Variants in AMMECR1 observed in about 807,000 individuals in gnomAD.
AMMECR1 encodes AMMECR nuclear protein 1.
A neutral mutation model predicts 22.5 loss-of-function variants in AMMECR1; 3 were observed. The ratio of observed to expected loss-of-function variants is 0.13; its 90% CI spans 0.06 to 0.35. The LOEUF (loss-of-function observed/expected upper bound fraction) is 0.35, where lower values mean the gene tolerates loss of function less well. Ranked by LOEUF, AMMECR1 falls within the 10% of genes least tolerant of loss-of-function variation. The pLI is 1.00. For synonymous variants in AMMECR1, 130 were observed against 116.7 expected (o/e 1.11, Z -0.74); for missense variants, 235 against 278.7 (o/e 0.84, Z 1.12).
intron 2 of AMMECR1, among the ~76,000 whole-genome samples, chrX:110,425,095 C>T (rs2068744401): frequency 1.8e-5 from 2 of 111,915 alleles, no homozygotes; most frequent in South Asian, 7.6e-4. Flanking sequence ...TCCCTTGCCT[C>T]CTGCTCCCAA....
At chrX:110,339,400 G>GT (rs1226766986) in intron 2 of AMMECR1, among the ~76,000 whole-genome samples, 1 of 25,291 alleles carries the variant, frequency 4.0e-5, no homozygotes, top group Non-Finnish European at 7.7e-5. Context: ...ATGGTTTGTT[G>GT]TAAAAAAAAA....
chrX:110,241,748 A>G (rs748947866), intron 2 of AMMECR1, among the ~76,000 whole-genome samples: 4 of 110,651 alleles, frequency 3.6e-5, no homozygotes, highest in Non-Finnish European at 5.7e-5. Flanking sequence ...AATAGGGGGA[A>G]GGGAAAAAAG....
At chrX:110,419,113 C>T (rs951838444) in intron 2 of AMMECR1, 15 of 112,447 alleles carry the variant, frequency 1.3e-4, no homozygotes, top group Non-Finnish European at 2.4e-4. Context: ...TATGGAGCGC[C>T]TACCTTGTGC....
rs959705865 is a variant in AMMECR1 at position 110,336,743 on chromosome X, A to G, written c.-147-18894T>C. On this transcript the variant is annotated intron_variant, in intron 2 of 7. Transcript: ENST00000372057. Reference sequence around the variant, plus strand: ...TGGAGCCCATGATTTCATGATTATTATTGCTTTGATGAAATTAATGTAGGA... The same window carrying G: ...TGGAGCCCATGATTTCATGATTATTGTTGCTTTGATGAAATTAATGTAGGA... 4.5e-5 allele frequency among the ~76,000 whole-genome samples: 5 copies of G among 110,205 alleles called. No individual in the cohort carries two copies. In the Admixed American group the frequency reaches 4.9e-4, roughly 11 times the overall value.
At chrX:110,272,549 CTTG>C (rs994086033) in intron 1 of AMMECR1, among the ~76,000 whole-genome samples, 6 of 111,973 alleles carry the variant, frequency 5.4e-5, no homozygotes, top group Admixed American at 9.4e-5. Context: ...TTTACATGTG[CTTG>C]TTGTTACATG....
At chrX:110,350,327 C>G (rs758703344) in intron 2 of AMMECR1, among the ~76,000 whole-genome samples, 1 of 111,561 alleles carries the variant, frequency 9.0e-6, no homozygotes, top group South Asian at 3.8e-4. Flanking sequence ...CCTATAGAGA[C>G]CCAACAGATA....
chrX:110,421,645 A>C (rs1204156486), intron 2 of AMMECR1, among the ~76,000 whole-genome samples: 1 of 113,035 alleles, frequency 8.8e-6, no homozygotes, highest in East Asian at 2.8e-4. Flanking sequence ...AGTGTAAACA[A>C]AGCTCAAATT....
At chrX:110,216,417 C>A in intron 3 of AMMECR1, 101 bp downstream of exon 3, 1 of 543,713 alleles carries the variant, frequency 1.8e-6, no homozygotes. Context: ...ACCTCCATTA[C>A]AATAGAGAAT....
rs759917177 is a variant in AMMECR1, at chrX:110,266,379, C to G, written c.474-1780G>C. ...ATCTGGCATAGTCAATATCAGCAAC[C>G]ATTTTTTTGTTTTATTTTGTTTTGA... On this transcript the variant is annotated intron_variant, in intron 1 of 5. Transcript: ENST00000262844. 2.7e-5 allele frequency among the ~76,000 whole-genome samples: 3 copies of G among 111,221 alleles called. No homozygotes were observed. In the East Asian group the frequency reaches 8.5e-4, roughly 32 times the overall value.
chrX:110,414,886 C>G (rs1225318342), intron 2 of AMMECR1, among the ~76,000 whole-genome samples: 1 of 112,396 alleles, frequency 8.9e-6, no homozygotes, highest in Non-Finnish European at 1.9e-5. Flanking sequence ...TCCACTACCA[C>G]TTGCCCATGC....
chrX:110,367,971 C>CT (rs1463368579), intron 2 of AMMECR1, among the ~76,000 whole-genome samples: 38 of 66,063 alleles, frequency 5.8e-4, no homozygotes, highest in African/African-American at 1.9e-3. Flanking sequence ...ACAGTGCTGG[C>CT]TAATTATTAT....
In AMMECR1 at chrX:110,198,264, GA is replaced by G. The variant is rs1290546395; in HGVS notation, c.*255del. The stretch of plus-strand genomic sequence containing the variant: ...GCAAAATTCTACATAATATTATAAG[GA>G]AAAAAAAACCCAAAATTATATATGC... On this transcript the variant is annotated 3_prime_UTR_variant, in exon 6 of 6. Coordinates refer to ENST00000262844, the MANE Select transcript of AMMECR1 (RefSeq NM_015365.3). 1.2e-4 allele frequency: 24 copies of G among 207,189 alleles called. No individual in the cohort carries two copies. The highest frequency in any genetic ancestry group is 1.5e-3 in the Middle Eastern group (1 of 676). The allele number at this position is 207,189 out of a possible 1,213,427, so 17.1% of individuals were successfully genotyped here.
chrX:110,270,824 G>A (rs1232554315), intron 1 of AMMECR1, among the ~76,000 whole-genome samples: 2 of 111,773 alleles, frequency 1.8e-5, no homozygotes, highest in Non-Finnish European at 3.8e-5. Flanking sequence ...TTTTCCTGTT[G>A]TCTAGCTGGA....
intron 2 of AMMECR1, among the ~76,000 whole-genome samples, chrX:110,329,572 A>C (rs908293402): frequency 3.6e-5 from 4 of 112,413 alleles, no homozygotes; most frequent in Non-Finnish European, 7.5e-5. Flanking sequence ...TGGTGATGCC[A>C]CTGTGCTGCT....
chrX:110,348,179 C>T (rs1158845731), intron 2 of AMMECR1, among the ~76,000 whole-genome samples: 2 of 111,843 alleles, frequency 1.8e-5, no homozygotes, highest in Admixed American at 1.9e-4. Context: ...AACTTCAGTG[C>T]TCTTTTTCCA....
intron 2 of AMMECR1, among the ~76,000 whole-genome samples, chrX:110,263,552 C>T (rs1315639538): frequency 2.7e-5 from 3 of 111,691 alleles, no homozygotes; most frequent in Non-Finnish European, 5.7e-5. Flanking sequence ...CCACATTAAT[C>T]CTGAAGTAAA....
At chrX:110,236,081 T>G (rs762225423) in intron 2 of AMMECR1, among the ~76,000 whole-genome samples, 2 of 112,212 alleles carry the variant, frequency 1.8e-5, no homozygotes, top group South Asian at 3.7e-4. Flanking sequence ...TACAGTCATG[T>G]GATAACAGCT....
intron 1 of AMMECR1, among the ~76,000 whole-genome samples, chrX:110,434,789 G>T (rs1307428733): frequency 9.0e-6 from 1 of 110,771 alleles, no homozygotes; most frequent in Non-Finnish European, 1.9e-5. Context: ...ACAGTCAAGG[G>T]ATATTAGTTG....
chrX:110,312,475 T>G (rs1192339764), intron 1 of AMMECR1, among the ~76,000 whole-genome samples: 5 of 112,163 alleles, frequency 4.5e-5, no homozygotes, highest in Non-Finnish European at 5.6e-5. Flanking sequence ...ACCCGCTAAC[T>G]GAAACCTGAG....
Sources: gnomAD v4.1 joint callset for allele counts (sites outside exome capture counted in the v4.1 genomes callset) on GRCh38, gnomAD v4.1.1 for gene constraint, MANE v1.5 for transcripts, NCBI Gene and HGNC (gene_info 2026-07-23, HGNC 2026-07-21) for gene names.